Variants in PSD3 observed in about 807,000 individuals in gnomAD.
The protein encoded by PSD3 is pleckstrin and Sec7 domain containing 3.
PSD3 carries 49 observed loss-of-function variants against 105.5 expected under a neutral mutation model. That is an observed-to-expected ratio of 0.46 (90% CI 0.37 to 0.59). PSD3 has a LOEUF of 0.59. Among genes scored for constraint, PSD3 ranks in the 20% least tolerant of loss-of-function variants. PSD3 has a pLI of 0.00. For synonymous variants in PSD3, 557 were observed against 457.8 expected, an observed-to-expected ratio of 1.22 and a Z score of -2.77; for missense variants, 1,561 against 1,263.8, an observed-to-expected ratio of 1.24 and a Z score of -3.57.
intron 9 of PSD3, among the ~76,000 whole-genome samples, chr8:18,764,455 T>G (rs1470416757): frequency 6.6e-6 from 1 of 152,208 alleles, no homozygotes; most frequent in Non-Finnish European, 1.5e-5. Context: ...TGATTTTTTT[T>G]TCATAATTTC....
At chr8:19,079,599 T>C (rs1399827011) in intron 1 of PSD3, among the ~76,000 whole-genome samples, 2 of 152,188 alleles carry the variant, frequency 1.3e-5, no homozygotes, top group East Asian at 1.9e-4. Context: ...GACTGCTTCC[T>C]GGGGGTTAAG....
At chr8:18,799,026 T>A (rs1399853410) in intron 8 of PSD3, 1 of 348,190 alleles carries the variant, frequency 2.9e-6, no homozygotes, top group East Asian at 6.1e-5. Context: ...AAGCTCTGTC[T>A]GCCATCTACT....
chr8:18,917,151 T>TATCAGC (rs1820676136), intron 2 of PSD3, among the ~76,000 whole-genome samples: 1 of 152,182 alleles, frequency 6.6e-6, no homozygotes, highest in South Asian at 2.1e-4. Flanking sequence ...ATCATATCAG[T>TATCAGC]AACCAATATC....
intron 2 of PSD3, among the ~76,000 whole-genome samples, chr8:18,880,294 T>C (rs1485524285): frequency 6.6e-6 from 1 of 152,214 alleles, no homozygotes; most frequent in Admixed American, 6.5e-5. Flanking sequence ...GCCCATTGTT[T>C]CCAAAATTCA....
At chr8:18,855,978 A>T (rs1815977321) in intron 4 of PSD3, among the ~76,000 whole-genome samples, 1 of 152,214 alleles carries the variant, frequency 6.6e-6, no homozygotes, top group Non-Finnish European at 1.5e-5. Flanking sequence ...GAGTGCAGCA[A>T]CACCTGTTCA....
intron 9 of PSD3, 140 bp from the exon 10 acceptor site, chr8:18,655,825 A>G (rs1808846898): frequency 4.2e-6 from 3 of 721,814 alleles, no homozygotes; most frequent in Non-Finnish European, 7.0e-6. Context: ...TAGAAAGGTG[A>G]AGAATACATG....
chr8:18,576,276 A>G (rs976749917), intron 12 of PSD3, among the ~76,000 whole-genome samples: 5 of 152,140 alleles, frequency 3.3e-5, no homozygotes, highest in Admixed American at 6.5e-5. Context: ...CTACAATATG[A>G]TGTAAATACC....
chr8:18,752,084 A>T (rs1413642501), intron 9 of PSD3, among the ~76,000 whole-genome samples: 1 of 151,428 alleles, frequency 6.6e-6, no homozygotes, highest in East Asian at 1.9e-4. Flanking sequence ...GCTACTCGGG[A>T]GGCTGTGTCA....
chr8:18,811,668 T>TA (rs1378070406), intron 4 of PSD3, among the ~76,000 whole-genome samples: 1 of 152,034 alleles, frequency 6.6e-6, no homozygotes, highest in African/African-American at 2.4e-5. Flanking sequence ...GCAAATATGA[T>TA]AAAATAACAG....
intron 9 of PSD3, among the ~76,000 whole-genome samples, chr8:18,739,445 T>G (rs983616726): frequency 2.6e-5 from 4 of 152,186 alleles, no homozygotes; most frequent in Admixed American, 2.0e-4. Flanking sequence ...CTGGACTCTA[T>G]AGAGAACCAG....
chr8:18,682,000 A>G (rs1800414886), intron 9 of PSD3, among the ~76,000 whole-genome samples: 2 of 139,670 alleles, frequency 1.4e-5, no homozygotes, highest in Non-Finnish European at 3.0e-5. Flanking sequence ...CGTTTGCAAT[A>G]TTCAAAAAAA....
chr8:18,673,470 C>G (rs1469106731), intron 9 of PSD3, among the ~76,000 whole-genome samples: 2 of 152,192 alleles, frequency 1.3e-5, no homozygotes, highest in African/African-American at 4.8e-5. Context: ...ACTTCACACC[C>G]TCCAGCAGGC....
chr8:18,546,877 C>G (rs958619611), intron 15 of PSD3, among the ~76,000 whole-genome samples: 6 of 152,168 alleles, frequency 3.9e-5, no homozygotes, highest in African/African-American at 1.4e-4. Flanking sequence ...ATAAGTTGCA[C>G]AGGCTATAAC....
chr8:18,615,110 TTTAAAC>T (rs1225237938), intron 11 of PSD3, among the ~76,000 whole-genome samples: 2 of 152,116 alleles, frequency 1.3e-5, no homozygotes, highest in African/African-American at 4.8e-5. Flanking sequence ...GCCGTCTACT[TTTAAAC>T]TTAACTTCCT....
intron 8 of PSD3, among the ~76,000 whole-genome samples, chr8:18,766,128 G>A (rs1213202199): frequency 6.6e-6 from 1 of 152,190 alleles, no homozygotes; most frequent in Non-Finnish European, 1.5e-5. Flanking sequence ...GAGGTCAAGA[G>A]TTTGAGACCA....
At chr8:18,858,483 T>C (rs1359420833) in intron 4 of PSD3, among the ~76,000 whole-genome samples, 1 of 152,208 alleles carries the variant, frequency 6.6e-6, no homozygotes, top group Non-Finnish European at 1.5e-5. Context: ...GCTGCATCAA[T>C]GGACTCTTCT....
At position 18,949,278 on chromosome 8, in the gene PSD3, T is replaced by TA. The variant is rs1491118592; in HGVS notation, c.22-13137_22-13136insT. On this transcript the variant is annotated intron_variant, in intron 1 of 15. Coordinates refer to ENST00000327040, the MANE Select transcript of PSD3 (RefSeq NM_015310.4). ...ATATATATATATATATATATATATATTTATAGTTTTCTTCTCTTCCAAGGA... is the reference window on the plus strand; with the variant it reads ...ATATATATATATATATATATATATATATTATAGTTTTCTTCTCTTCCAAGGA... Among the ~76,000 whole-genome samples the TA allele has an allele frequency of 4.3e-3, 466 of 107,952 alleles. 25 individuals carry two copies. The highest frequency in any genetic ancestry group is 8.0e-3 in the Non-Finnish European group (385 of 48,254). The allele number at this position is 107,952 out of a possible 152,430, so 70.8% of individuals were successfully genotyped here. A position where few individuals can be genotyped will look rare whatever the true frequency, so the allele number is the denominator to read the frequency against.
chr8:18,793,364 T>A (rs1809911046), intron 8 of PSD3, among the ~76,000 whole-genome samples: 3 of 112,876 alleles, frequency 2.7e-5, no homozygotes, highest in African/African-American at 3.3e-5. Flanking sequence ...CTGTAAGGTA[T>A]CAAAATAGAA....
intron 15 of PSD3, among the ~76,000 whole-genome samples, chr8:18,555,682 A>G (rs962495529): frequency 2.0e-5 from 3 of 152,198 alleles, no homozygotes; most frequent in Non-Finnish European, 4.4e-5. Flanking sequence ...ATTCTTTTTA[A>G]TAAGCACACT....
Sources: gnomAD v4.1 joint callset for allele counts (sites outside exome capture counted in the v4.1 genomes callset) on GRCh38, gnomAD v4.1.1 for gene constraint, MANE v1.5 for transcripts, NCBI Gene and HGNC (gene_info 2026-07-23, HGNC 2026-07-21) for gene names.